RAB27B: variants seen among roughly 807,000 people sequenced by gnomAD.
RAB27B encodes ras-related protein Rab-27B.
RAB27B carries 15 observed loss-of-function variants against 24.6 expected under a neutral mutation model. The observed-to-expected ratio is 0.61, with a 90% CI of 0.41 to 0.94. RAB27B has a LOEUF of 0.94. Ranked by LOEUF, RAB27B falls within the 40% of genes least tolerant of loss-of-function variation. The probability of loss-of-function intolerance (pLI) is 0.00; values close to 1 mark genes in which losing one functional copy is unlikely to be tolerated. For missense variants in RAB27B, 261 were observed against 266.8 expected, an observed-to-expected ratio of 0.98 and a Z score of 0.15; for synonymous variants, 105 against 92.5, an observed-to-expected ratio of 1.14 and a Z score of -0.78.
intron 2 of RAB27B, among the ~76,000 whole-genome samples, chr18:54,747,739 T>C (rs2145025124): frequency 6.6e-6 from 1 of 152,338 alleles, no homozygotes; most frequent in Admixed American, 6.5e-5. Flanking sequence ...ATGTTAGTTA[T>C]TAAATTGTGT....
At chr18:54,858,992 A>G (rs1231214538) in intron 1 of RAB27B, among the ~76,000 whole-genome samples, 2 of 152,148 alleles carry the variant, frequency 1.3e-5, no homozygotes, top group Non-Finnish European at 2.9e-5. Context: ...TTAATGTAGT[A>G]AGTTATATGT....
intron 1 of RAB27B, among the ~76,000 whole-genome samples, chr18:54,844,531 C>A (rs777254489): frequency 2.0e-5 from 3 of 151,500 alleles, no homozygotes; most frequent in Non-Finnish European, 2.9e-5. Context: ...CTCACCCTCC[C>A]GAGTAGCTGG....
intron 2 of RAB27B, among the ~76,000 whole-genome samples, chr18:54,817,036 C>A (rs1910143537): frequency 6.6e-6 from 1 of 152,056 alleles, no homozygotes; most frequent in Non-Finnish European, 1.5e-5. Flanking sequence ...TTTCACAAAT[C>A]TTTATTTCTA....
intron 2 of RAB27B, among the ~76,000 whole-genome samples, chr18:54,730,272 A>G (rs1047814538): frequency 4.6e-5 from 7 of 152,074 alleles, no homozygotes; most frequent in African/African-American, 1.7e-4. Flanking sequence ...TGGACTTATA[A>G]CTATGTTCAA....
rs771864582 is a variant in RAB27B, at chr18:54,721,735, A to G, written c.-20+3594A>G. Among the ~76,000 whole-genome samples the G allele has an allele frequency of 1.2e-4, 18 of 152,218 alleles. 1 individual carries two copies. Among genetic ancestry groups the G allele is most frequent in the Non-Finnish European group, 2.2e-4 (15 of 68,034 alleles). On this transcript the variant is annotated intron_variant, in intron 2 of 4. Coordinates refer to the RAB27B transcript ENST00000586570. ...ATTACTATAATTTATTGCCAATTAA[A>G]TAAACCAGAATATATCTGATGAGTG...
At position 54,723,712 on chromosome 18, in the gene RAB27B, T is replaced by A. The variant is rs560805937; in HGVS notation, c.-20+5571T>A. On this transcript the variant is annotated intron_variant, in intron 2 of 4. Transcript: ENST00000586570. The stretch of plus-strand genomic sequence containing the variant: ...AAAATCCCTAGTAACACATCAACAT[T>A]TAAAGACAATCTTCAAGGTATGCAT... 3.3e-5 allele frequency among the ~76,000 whole-genome samples: 5 copies of A among 152,294 alleles called. No individual in the cohort carries two copies. In the East Asian group the frequency reaches 9.6e-4, roughly 29 times the overall value.
At chr18:54,747,293 C>T (rs2145024253) in intron 2 of RAB27B, among the ~76,000 whole-genome samples, 1 of 152,294 alleles carries the variant, frequency 6.6e-6, no homozygotes, top group East Asian at 1.9e-4. Context: ...CCCAATGTCT[C>T]ACTCTCCATA....
intron 1 of RAB27B, among the ~76,000 whole-genome samples, chr18:54,833,119 A>G (rs1910752721): frequency 6.6e-6 from 1 of 152,178 alleles, no homozygotes; most frequent in East Asian, 1.9e-4. Context: ...CAGTGAGCCG[A>G]AGCTTGGGAA....
rs1568045939 is a variant in RAB27B, at chr18:54,733,657, C to G, written c.-20+15516C>G. Among the ~76,000 whole-genome samples, 4 of 135,992 alleles carry G rather than the reference C, an allele frequency of 2.9e-5. No homozygotes were observed. The South Asian group carries it at 1.1e-3, about 38-fold the overall frequency. 89.2% of individuals were successfully genotyped at this position (135,992 alleles called of 152,430 possible). A position where few individuals can be genotyped will look rare whatever the true frequency, so the allele number is the denominator to read the frequency against. Reference sequence around the variant, plus strand: ...GAAATCTTCTGTTCTAGAGCCCCCCCCCCCCAAATTTGCTAAGCTCCTTGG... The same window carrying G: ...GAAATCTTCTGTTCTAGAGCCCCCCGCCCCCAAATTTGCTAAGCTCCTTGG... On this transcript the variant is annotated intron_variant, in intron 2 of 4. Transcript: ENST00000586570.
intron 1 of RAB27B, among the ~76,000 whole-genome samples, chr18:54,834,891 C>G (rs1260932277): frequency 6.6e-6 from 1 of 151,548 alleles, no homozygotes; most frequent in Admixed American, 6.6e-5. Context: ...CTTCTTGTTT[C>G]TCTCCTTAAC....
intron 2 of RAB27B, among the ~76,000 whole-genome samples, chr18:54,768,909 G>T (rs1908452811): frequency 6.6e-6 from 1 of 152,082 alleles, no homozygotes; most frequent in East Asian, 1.9e-4. Flanking sequence ...GACATGTAGG[G>T]ATTATGGGGA....
At chr18:54,790,182 C>G (rs1909205580) in intron 2 of RAB27B, among the ~76,000 whole-genome samples, 1 of 152,102 alleles carries the variant, frequency 6.6e-6, no homozygotes, top group East Asian at 1.9e-4. Flanking sequence ...ACAAAATATT[C>G]TCTAAACATT....
chr18:54,796,635 G>T (rs1909429723), intron 2 of RAB27B, among the ~76,000 whole-genome samples: 1 of 152,256 alleles, frequency 6.6e-6, no homozygotes, highest in African/African-American at 2.4e-5. Context: ...GGTGTCTATT[G>T]CTCTACTCCT....
intron 2 of RAB27B, among the ~76,000 whole-genome samples, chr18:54,804,910 CTTTCTTTCTT>C (rs1568072705): frequency 0.013 from 1,489 of 114,896 alleles, 26 homozygotes; most frequent in Middle Eastern, 0.023. Context: ...CTCTCTCTTT[CTTTCTTTCTT>C]TCTTTCTTTC....
chr18:54,793,410 A>G (rs1032307523), intron 2 of RAB27B, among the ~76,000 whole-genome samples: 2 of 152,228 alleles, frequency 1.3e-5, no homozygotes, highest in Non-Finnish European at 2.9e-5. Flanking sequence ...GATATGCCAC[A>G]TAATGAGAGA....
chr18:54,776,865 C>A (rs1293768152), intron 2 of RAB27B, among the ~76,000 whole-genome samples: 5 of 151,888 alleles, frequency 3.3e-5, no homozygotes, highest in Admixed American at 2.0e-4. Flanking sequence ...GACAACACGG[C>A]GAAACACCGT....
At chr18:54,762,481 C>CT (rs1908221928) in intron 2 of RAB27B, among the ~76,000 whole-genome samples, 1 of 152,186 alleles carries the variant, frequency 6.6e-6, no homozygotes. Context: ...CCCCCATAGT[C>CT]TAACTTTATT....
In RAB27B at chr18:54,893,145, C is replaced by G. The variant is rs1488889660; in HGVS notation, c.*3732C>G. ...AGTGTATAACCTTGTGTTCATGAAA[C>G]AGGTTGTTCATTGTTCTGCATCTCT... On this transcript the variant is annotated 3_prime_UTR_variant, in exon 6 of 6. Coordinates refer to ENST00000262094, the MANE Select transcript of RAB27B (RefSeq NM_004163.4). 2 of 151,996 alleles carry G rather than the reference C, an allele frequency of 1.3e-5. No individual in the cohort carries two copies. Among genetic ancestry groups the G allele is most frequent in the Non-Finnish European group, 2.9e-5 (2 of 67,920 alleles). The allele number at this position is 151,996 out of a possible 1,614,324, so 9.4% of individuals were successfully genotyped here.
intron 2 of RAB27B, among the ~76,000 whole-genome samples, chr18:54,752,389 C>T (rs1410586025): frequency 2.6e-5 from 4 of 152,062 alleles, no homozygotes; most frequent in Non-Finnish European, 5.9e-5. Context: ...GGGGCCCAAG[C>T]GTTTGTAAAT....
Sources: gnomAD v4.1 joint callset for allele counts (sites outside exome capture counted in the v4.1 genomes callset) on GRCh38, gnomAD v4.1.1 for gene constraint, MANE v1.5 for transcripts, NCBI Gene and HGNC (gene_info 2026-07-23, HGNC 2026-07-21) for gene names.